Variants in SORCS2 observed in about 807,000 individuals in gnomAD.
SORCS2 encodes the protein sortilin related VPS10 domain containing receptor 2.
In SORCS2, 100 loss-of-function variants were observed where a neutral mutation model predicts 141.6. The ratio of observed to expected loss-of-function variants is 0.71; its 90% CI spans 0.60 to 0.83. The LOEUF (loss-of-function observed/expected upper bound fraction) is 0.83, where lower values mean the gene tolerates loss of function less well. Ranked by LOEUF, SORCS2 falls within the 40% of genes least tolerant of loss-of-function variation. The probability of loss-of-function intolerance (pLI) is 0.00; values close to 1 mark genes in which losing one functional copy is unlikely to be tolerated. For synonymous variants in SORCS2, 789 were observed against 676.9 expected (o/e 1.17, Z -2.57); for missense variants, 1,646 against 1,560.2 (o/e 1.05, Z -0.93).
chr4:7,723,986 TG>T, intron 19 of SORCS2, 103 bp downstream of exon 19: 2 of 1,348,242 alleles, frequency 1.5e-6, no homozygotes, highest in South Asian at 3.0e-5. Flanking sequence ...TCTAGGCCCC[TG>T]GTACTCAGGA....
At chr4:7,390,661 G>T (rs1255434096) in intron 1 of SORCS2, among the ~76,000 whole-genome samples, 1 of 152,240 alleles carries the variant, frequency 6.6e-6, no homozygotes, top group East Asian at 1.9e-4. Context: ...CAGGGTCTCA[G>T]AGGAGGCACC....
intron 2 of SORCS2, among the ~76,000 whole-genome samples, chr4:7,495,263 C>T (rs1731541401): frequency 6.6e-6 from 1 of 152,242 alleles, no homozygotes; most frequent in South Asian, 2.1e-4. Context: ...GCTCCAGAGC[C>T]TGTCCTGGGG....
intron 3 of SORCS2, among the ~76,000 whole-genome samples, chr4:7,594,850 A>G (rs1717152198): frequency 6.6e-6 from 1 of 152,180 alleles, no homozygotes; most frequent in South Asian, 2.1e-4. Flanking sequence ...AACCAGCATA[A>G]TAGTAGCAGC....
chr4:7,441,386 G>A (rs549826218), intron 2 of SORCS2, among the ~76,000 whole-genome samples: 7 of 152,206 alleles, frequency 4.6e-5, no homozygotes, highest in African/African-American at 9.6e-5. Flanking sequence ...TGGCAGAGCC[G>A]GGCAGTGAGT....
At chr4:7,506,848 A>G (rs78881952) in intron 2 of SORCS2, among the ~76,000 whole-genome samples, 2,914 of 152,344 alleles carry the variant, frequency 0.019, 43 homozygotes, top group South Asian at 0.038. Flanking sequence ...ATACACAGAT[A>G]CAAAACAACA....
At position 7,233,967 on chromosome 4, in the gene SORCS2, G is replaced by T. The variant is rs1335407192; in HGVS notation, c.480+40841G>T. On this transcript the variant is annotated intron_variant, in intron 1 of 26. Transcript: ENST00000507866. This position sits in a 1 kb window ranked among gnomAD's most constrained non-coding sequence, Gnocchi z 4.5. ...CTCAGGAGCAAGATGGAAAGGGGGT[G>T]GGGGAGGACCGTATCCCCGAGCCTC... Among the ~76,000 whole-genome samples the T allele has an allele frequency of 6.6e-6, 1 of 152,130 alleles. No homozygotes were observed. The highest frequency in any genetic ancestry group is 1.9e-4 in the East Asian group (1 of 5,190).
rs1250705833 is a variant in SORCS2, at chr4:7,697,194, C to T, written c.1592-4C>T. ...GTAGTACTGCCCCTTTTCTTTTGGA[C>T]CAGGTAACCTGGGCTCACAGCTGGT... On this transcript the variant is annotated splice_region_variant and splice_polypyrimidine_tract_variant and intron_variant, in intron 11 of 26. Transcript: ENST00000507866. 1.9e-6 allele frequency: 3 copies of T among 1,575,814 alleles called. No individual in the cohort carries two copies. Among genetic ancestry groups the T allele is most frequent in the East Asian group, 2.3e-5 (1 of 43,124 alleles).
chr4:7,717,558 A>C (rs1365379581), intron 17 of SORCS2, among the ~76,000 whole-genome samples: 2 of 152,090 alleles, frequency 1.3e-5, no homozygotes, highest in Non-Finnish European at 2.9e-5. Flanking sequence ...GCCCAGGAGG[A>C]GGGGTGTGTG....
chr4:7,535,699 T>C (rs1169814333), intron 3 of SORCS2, among the ~76,000 whole-genome samples: 2 of 152,230 alleles, frequency 1.3e-5, no homozygotes, highest in Non-Finnish European at 2.9e-5. Flanking sequence ...GACTTTAGGT[T>C]AGGAACTGGC....
intron 1 of SORCS2, among the ~76,000 whole-genome samples, chr4:7,318,736 G>A (rs1464220237): frequency 6.6e-6 from 1 of 152,086 alleles, no homozygotes; most frequent in Non-Finnish European, 1.5e-5. Flanking sequence ...CAGGTTTATT[G>A]AGGTTGAATT....
intron 1 of SORCS2, among the ~76,000 whole-genome samples, chr4:7,384,767 C>G (rs1262153610): frequency 1.3e-5 from 2 of 152,228 alleles, no homozygotes; most frequent in African/African-American, 4.8e-5. Context: ...CTCGCTTCAG[C>G]TCTGTGAGGC....
At chr4:7,650,366 G>A (rs891687396) in intron 4 of SORCS2, among the ~76,000 whole-genome samples, 2 of 152,224 alleles carry the variant, frequency 1.3e-5, no homozygotes, top group African/African-American at 2.4e-5. Flanking sequence ...GCGACAGAAC[G>A]TGCTGTGTGC....
chr4:7,332,841 G>A (rs1719738109), intron 1 of SORCS2, among the ~76,000 whole-genome samples: 2 of 152,338 alleles, frequency 1.3e-5, no homozygotes, highest in South Asian at 4.1e-4. Context: ...TGAGGCAGGA[G>A]GAGGGCAGGA....
chr4:7,291,339 C>T (rs1716590952), intron 1 of SORCS2, among the ~76,000 whole-genome samples: 1 of 152,154 alleles, frequency 6.6e-6, no homozygotes, highest in Non-Finnish European at 1.5e-5. Context: ...GCAGACGGGC[C>T]ACGGAGCCTG....
Position 7,524,909 on chromosome 4 carries a change from A to C in SORCS2, c.549-6621A>C, listed in dbSNP as rs140260519. 3.9e-3 allele frequency among the ~76,000 whole-genome samples: 591 copies of C among 152,314 alleles called. 3 individuals are homozygous for C. The highest frequency in any genetic ancestry group is 0.013 in the African/African-American group (547 of 41,578). ...AGAGAGAAACATGCTCCCCATAGAAAGACGAGGGCATCCATCATTGAGGAT... is the reference window on the plus strand; with the variant it reads ...AGAGAGAAACATGCTCCCCATAGAACGACGAGGGCATCCATCATTGAGGAT... On this transcript the variant is annotated intron_variant, in intron 2 of 26. Coordinates refer to ENST00000507866, the MANE Select transcript of SORCS2 (RefSeq NM_020777.3).
intron 1 of SORCS2, among the ~76,000 whole-genome samples, chr4:7,289,451 G>C (rs1306154251): frequency 6.6e-6 from 1 of 152,206 alleles, no homozygotes; most frequent in African/African-American, 2.4e-5. Context: ...ACCCTGCCTA[G>C]CACTGAGTGG....
chr4:7,391,647 G>C (rs945006411), intron 1 of SORCS2, among the ~76,000 whole-genome samples: 1 of 152,094 alleles, frequency 6.6e-6, no homozygotes, highest in Non-Finnish European at 1.5e-5. Context: ...CTGGAATAAA[G>C]CGAGAGTCAG....
intron 1 of SORCS2, among the ~76,000 whole-genome samples, chr4:7,268,187 G>C (rs1436460428): frequency 6.6e-6 from 1 of 152,214 alleles, no homozygotes; most frequent in Non-Finnish European, 1.5e-5. Context: ...TGAATTCATT[G>C]CATCTGTGAG....
chr4:7,259,822 G>A (rs1714195036), intron 1 of SORCS2, among the ~76,000 whole-genome samples: 1 of 152,230 alleles, frequency 6.6e-6, no homozygotes, highest in African/African-American at 2.4e-5. Flanking sequence ...GGAGAAGTCG[G>A]CCCCCTGCAC....
Sources: allele counts gnomAD v4.1 joint callset (sites outside exome capture counted in the v4.1 genomes callset), GRCh38; gene constraint gnomAD v4.1.1; non-coding constraint Gnocchi (gnomAD v3.1); transcripts MANE v1.5; gene names NCBI Gene and HGNC (gene_info 2026-07-23, HGNC 2026-07-21).